Variants in FAM185A observed in about 807,000 individuals in gnomAD.
FAM185A encodes family with sequence similarity 185 member A.
A neutral mutation model predicts 45.7 loss-of-function variants in FAM185A; 21 were observed. That is an observed-to-expected ratio of 0.46 (90% CI 0.33 to 0.66). The LOEUF (loss-of-function observed/expected upper bound fraction) is 0.66. FAM185A is among the 30% of genes least tolerant of loss of function. The pLI is 0.03. For synonymous variants in FAM185A, 117 were observed against 194.0 expected (o/e 0.60, Z 3.30); for missense variants, 305 against 485.4 (o/e 0.63, Z 3.49).
chr7:102,808,144 C>A (rs2129444185), intron 7 of FAM185A, 146 bp from the exon 8 acceptor site: 1 of 614,694 alleles, frequency 1.6e-6, no homozygotes, highest in South Asian at 2.0e-5. Context: ...GCCCAGATAA[C>A]CTCTTTGCAA....
At chr7:102,848,295 G>A in the FAM185A span, among the ~76,000 whole-genome samples, 3 of 46,520 alleles carry the variant, frequency 6.4e-5, 1 homozygote, top group African/African-American at 5.2e-4. Context: ...GGTGGCTCAC[G>A]CCTGTAATCC....
the FAM185A span, among the ~76,000 whole-genome samples, chr7:102,817,438 A>G: frequency 2.4e-4 from 37 of 152,082 alleles, no homozygotes; most frequent in Non-Finnish European, 4.9e-4. Flanking sequence ...GTTTTTGCCC[A>G]CTTTTTAATG....
chr7:102,785,947 T>C (rs528135417), intron 6 of FAM185A, among the ~76,000 whole-genome samples: 1 of 152,208 alleles, frequency 6.6e-6, no homozygotes, highest in Admixed American at 6.5e-5. Flanking sequence ...AAAGGGCTCA[T>C]ATCCAGAAGG....
At chr7:102,812,840 CTTTTT>C (rs908090315), downstream of FAM185A, among the ~76,000 whole-genome samples, 2 of 122,564 alleles carry the variant, frequency 1.6e-5, no homozygotes, top group Admixed American at 8.2e-5. Context: ...GATTTGGCTT[CTTTTT>C]TTTTTTTTTT....
downstream of FAM185A, among the ~76,000 whole-genome samples, chr7:102,811,245 T>C (rs982651145): frequency 3.3e-5 from 5 of 152,218 alleles, no homozygotes; most frequent in African/African-American, 7.2e-5. Context: ...TTGTACATAT[T>C]TGGATCACAT....
intron 7 of FAM185A, among the ~76,000 whole-genome samples, chr7:102,788,197 G>A (rs1288230326): frequency 6.6e-6 from 1 of 152,068 alleles, no homozygotes; most frequent in East Asian, 1.9e-4. Flanking sequence ...TCAAATTCCT[G>A]ACCTCAGGTG....
intron 3 of FAM185A, among the ~76,000 whole-genome samples, chr7:102,759,089 T>G (rs1462844033): frequency 6.6e-6 from 1 of 152,084 alleles, no homozygotes; most frequent in Admixed American, 6.5e-5. Context: ...TGCTGCAGCT[T>G]TTTTGAGATG....
chr7:102,796,740 C>A (rs897955093), intron 7 of FAM185A, among the ~76,000 whole-genome samples: 3 of 152,064 alleles, frequency 2.0e-5, no homozygotes, highest in African/African-American at 7.2e-5. Flanking sequence ...ATAATTGAAA[C>A]TAACCCAAAA....
the FAM185A span, among the ~76,000 whole-genome samples, chr7:102,837,549 A>G: frequency 6.6e-6 from 1 of 152,142 alleles, no homozygotes; most frequent in Non-Finnish European, 1.5e-5. Flanking sequence ...TGCGCTTTCA[A>G]ATTCTTATAA....
intron 2 of FAM185A, among the ~76,000 whole-genome samples, chr7:102,756,697 T>C (rs1793765560): frequency 6.9e-6 from 1 of 145,050 alleles, no homozygotes. Context: ...ATCTAATGGC[T>C]CATATATAAT....
At chr7:102,823,080 C>A in the FAM185A span, among the ~76,000 whole-genome samples, 1 of 151,948 alleles carries the variant, frequency 6.6e-6, no homozygotes. Flanking sequence ...TGCCCACCCC[C>A]CACACAAAAA....
chr7:102,778,037 GA>G (rs1415669241), intron 6 of FAM185A, among the ~76,000 whole-genome samples: 2 of 152,358 alleles, frequency 1.3e-5, no homozygotes, highest in East Asian at 3.9e-4. Flanking sequence ...CTTGGCTGCA[GA>G]AAGTTAAGAA....
the FAM185A span, among the ~76,000 whole-genome samples, chr7:102,833,597 T>C: frequency 7.5e-6 from 1 of 133,578 alleles, no homozygotes; most frequent in African/African-American, 2.6e-5. Context: ...CGGCTAATTC[T>C]TTTTTTTTTT....
the FAM185A span, among the ~76,000 whole-genome samples, chr7:102,826,741 A>ATATATATATG: frequency 1.6e-5 from 1 of 64,042 alleles, no homozygotes; most frequent in Admixed American, 1.7e-4. Flanking sequence ...ATATATATAT[A>ATATATATATG]TATATATATA....
chr7:102,794,673 G>A (rs1240846486), intron 7 of FAM185A, among the ~76,000 whole-genome samples: 1 of 152,132 alleles, frequency 6.6e-6, no homozygotes, highest in African/African-American at 2.4e-5. Flanking sequence ...ATTTATCCTG[G>A]GGAAATGTAA....
chr7:102,811,452 C>T (rs1797430575), downstream of FAM185A, among the ~76,000 whole-genome samples: 1 of 152,160 alleles, frequency 6.6e-6, no homozygotes, highest in Non-Finnish European at 1.5e-5. Flanking sequence ...TTTTCTACTC[C>T]TTTTCTTCAT....
At chr7:102,831,733 A>C in the FAM185A span, among the ~76,000 whole-genome samples, 1 of 152,100 alleles carries the variant, frequency 6.6e-6, no homozygotes, top group Non-Finnish European at 1.5e-5. Flanking sequence ...TTAGGATTCA[A>C]AGCAGTCTCT....
downstream of FAM185A, chr7:102,809,301 A>T (rs955903320): frequency 2.6e-5 from 4 of 152,262 alleles, no homozygotes; most frequent in African/African-American, 9.6e-5. Context: ...GCTATTTTAT[A>T]GCCTGATGTA....
the FAM185A span, among the ~76,000 whole-genome samples, chr7:102,816,851 A>T: frequency 1.3e-5 from 2 of 152,218 alleles, no homozygotes; most frequent in Admixed American, 6.5e-5. Flanking sequence ...AAGTGAGAAC[A>T]TGCAGTATTT....
Sources: allele counts gnomAD v4.1 joint callset (sites outside exome capture counted in the v4.1 genomes callset), GRCh38; gene constraint gnomAD v4.1.1; transcripts MANE v1.5; gene names NCBI Gene and HGNC (gene_info 2026-07-23, HGNC 2026-07-21).